Variants in MALRD1 observed in about 807,000 individuals in gnomAD.
MALRD1 encodes MAM and LDL receptor class A domain containing 1, also known as MAM and LDL-receptor class A domain-containing protein 1.
A neutral mutation model predicts 242.1 loss-of-function variants in MALRD1; 247 were observed. That is an observed-to-expected ratio of 1.02 (90% confidence interval 0.92 to 1.13). The LOEUF is 1.13. Among genes scored for constraint, MALRD1 ranks in the 50% most tolerant of loss-of-function variants. The pLI is 0.00. For synonymous variants in MALRD1, 995 were observed against 866.6 expected, an observed-to-expected ratio of 1.15 and a Z score of -2.60; for missense variants, 2,989 against 2,533.1, an observed-to-expected ratio of 1.18 and a Z score of -3.86.
At chr10:19,503,355 T>C (rs978064997) in intron 31 of MALRD1, among the ~76,000 whole-genome samples, 2 of 152,212 alleles carry the variant, frequency 1.3e-5, no homozygotes, top group African/African-American at 4.8e-5. Context: ...TAATTAAAAT[T>C]GTATTTATGG....
At chr10:19,512,187 A>G (rs1394679374) in intron 31 of MALRD1, among the ~76,000 whole-genome samples, 2 of 152,140 alleles carry the variant, frequency 1.3e-5, no homozygotes, top group South Asian at 2.1e-4. Flanking sequence ...TGTGGTTATC[A>G]TCAGTTGGTG....
intron 29 of MALRD1, among the ~76,000 whole-genome samples, chr10:19,473,384 G>A (rs1165941530): frequency 1.3e-5 from 2 of 151,916 alleles, no homozygotes; most frequent in Non-Finnish European, 2.9e-5. Flanking sequence ...GTAGCCTTAA[G>A]TACATTTACA....
At chr10:19,650,321 G>C (rs986449535) in intron 36 of MALRD1, among the ~76,000 whole-genome samples, 2 of 152,152 alleles carry the variant, frequency 1.3e-5, no homozygotes, top group African/African-American at 4.8e-5. Flanking sequence ...GACAAAAACT[G>C]TGAAAATTTG....
At chr10:19,422,864 A>G (rs1021625042) in intron 28 of MALRD1, among the ~76,000 whole-genome samples, 1 of 152,196 alleles carries the variant, frequency 6.6e-6, no homozygotes, top group Non-Finnish European at 1.5e-5. Flanking sequence ...TGTTTCAAGT[A>G]TGCCTCCAAG....
chr10:19,259,986 C>T (rs1312891558), intron 19 of MALRD1, among the ~76,000 whole-genome samples: 1 of 152,138 alleles, frequency 6.6e-6, no homozygotes. Flanking sequence ...GTTTAATCTC[C>T]AATTCCTACA....
chr10:19,152,616 TTATG>T (rs1327114607), intron 11 of MALRD1, among the ~76,000 whole-genome samples: 1 of 152,154 alleles, frequency 6.6e-6, no homozygotes, highest in Non-Finnish European at 1.5e-5. Context: ...TTCTTGCTGT[TTATG>T]TATCTGGAAA....
chr10:19,349,649 A>G (rs1397306828), intron 25 of MALRD1, among the ~76,000 whole-genome samples: 2 of 152,204 alleles, frequency 1.3e-5, no homozygotes, highest in African/African-American at 4.8e-5. Flanking sequence ...TTTCTCAGGA[A>G]TAAAACCCAA....
chr10:19,171,503 TGTGTCTATGTGTGTATATAAATAC>T (rs1834938718), intron 13 of MALRD1, among the ~76,000 whole-genome samples: 1 of 142,080 alleles, frequency 7.0e-6, no homozygotes. Flanking sequence ...CACATATATA[TGTGTCTATGTGTGTATATAAATAC>T]ACACACACAT....
chr10:19,526,056 C>A (rs144690267), intron 31 of MALRD1, among the ~76,000 whole-genome samples: 2 of 152,148 alleles, frequency 1.3e-5, no homozygotes, highest in African/African-American at 4.8e-5. Context: ...GCAGTTCAGA[C>A]ATTTCAGCTT....
At chr10:19,166,969 A>C (rs1246607843) in intron 13 of MALRD1, among the ~76,000 whole-genome samples, 2 of 152,176 alleles carry the variant, frequency 1.3e-5, no homozygotes, top group Non-Finnish European at 1.5e-5. Context: ...AATGTGTGAA[A>C]ACCAGTGATG....
intron 32 of MALRD1, among the ~76,000 whole-genome samples, chr10:19,566,356 G>A (rs1472588954): frequency 7.0e-6 from 1 of 142,806 alleles, no homozygotes; most frequent in Non-Finnish European, 1.5e-5. Context: ...AGCCAGGATG[G>A]TCTCAATCTC....
chr10:19,236,373 G>C (rs543623183), intron 18 of MALRD1, among the ~76,000 whole-genome samples: 1 of 152,202 alleles, frequency 6.6e-6, no homozygotes, highest in African/African-American at 2.4e-5. Flanking sequence ...CTAGAAGCTT[G>C]GTAGAGTTTA....
At chr10:19,287,185 A>G (rs1005862291) in intron 21 of MALRD1, among the ~76,000 whole-genome samples, 11 of 152,002 alleles carry the variant, frequency 7.2e-5, no homozygotes, top group African/African-American at 2.7e-4. Flanking sequence ...AGTAATATCA[A>G]TCCAATTCCC....
At chr10:19,422,218 C>T (rs1272416977) in intron 28 of MALRD1, among the ~76,000 whole-genome samples, 1 of 152,116 alleles carries the variant, frequency 6.6e-6, no homozygotes, top group Non-Finnish European at 1.5e-5. Flanking sequence ...TTCTGTGAAG[C>T]CCTGAGATGG....
chr10:19,548,936 C>G (rs1308511354), intron 32 of MALRD1, among the ~76,000 whole-genome samples: 2 of 152,142 alleles, frequency 1.3e-5, no homozygotes, highest in East Asian at 1.9e-4. Context: ...CTCCAAACAG[C>G]TAGTCAAGTT....
At chr10:19,581,926 A>G (rs1041519207) in intron 33 of MALRD1, among the ~76,000 whole-genome samples, 56 of 152,198 alleles carry the variant, frequency 3.7e-4, no homozygotes, top group Middle Eastern at 3.4e-3. Context: ...ACTGGTGTGA[A>G]ATGGTATCTC....
rs141154210 is a variant in MALRD1, at chr10:19,299,639, T to A, written c.3419+16458T>A. Among the ~76,000 whole-genome samples, 223 of 152,110 alleles carry A rather than the reference T, an allele frequency of 1.5e-3. 1 individual carries two copies. The highest frequency in any genetic ancestry group is 5.0e-3 in the African/African-American group (209 of 41,516). Reference sequence around the variant, plus strand: ...ACCAAAACCTACATGATTATCTCAATAGATGCAGAAAAGGCTTTCCATAAA... The same window carrying A: ...ACCAAAACCTACATGATTATCTCAAAAGATGCAGAAAAGGCTTTCCATAAA... On this transcript the variant is annotated intron_variant, in intron 21 of 39. Coordinates refer to ENST00000454679, the MANE Select transcript of MALRD1 (RefSeq NM_001142308.3).
chr10:19,383,793 A>G (rs1347905687), intron 26 of MALRD1, among the ~76,000 whole-genome samples: 1 of 151,958 alleles, frequency 6.6e-6, no homozygotes, highest in Non-Finnish European at 1.5e-5. Flanking sequence ...CTTATTCAGT[A>G]TTAAATAGAT....
At chr10:19,694,882 C>G (rs1012934671) in intron 38 of MALRD1, among the ~76,000 whole-genome samples, 3 of 152,198 alleles carry the variant, frequency 2.0e-5, no homozygotes, top group Non-Finnish European at 4.4e-5. Context: ...CCATGGAATA[C>G]TATGCAGCCA....
Sources: gnomAD v4.1 joint callset for allele counts (sites outside exome capture counted in the v4.1 genomes callset) on GRCh38, gnomAD v4.1.1 for gene constraint, MANE v1.5 for transcripts, NCBI Gene and HGNC (gene_info 2026-07-23, HGNC 2026-07-21) for gene names.